The following CHODL variants were observed in gnomAD, a reference collection of about 807,000 sequenced individuals.
CHODL encodes the protein chondrolectin, also known as transmembrane protein MT75.
A neutral mutation model predicts 34.5 loss-of-function variants in CHODL; 29 were observed. That is an observed-to-expected ratio of 0.84 (90% CI 0.63 to 1.15). CHODL has a LOEUF of 1.15. Among genes scored for constraint, CHODL ranks in the 50% most tolerant of loss-of-function variants. The pLI, the probability that CHODL is intolerant of heterozygous loss-of-function variation, is 0.00. For synonymous variants in CHODL, 125 were observed against 116.1 expected (o/e 1.08, Z -0.49); for missense variants, 332 against 332.5 (o/e 1.00, Z 0.01).
At chr21:18,217,855 G>T (rs1460225242) in intron 2 of CHODL, among the ~76,000 whole-genome samples, 1 of 152,116 alleles carries the variant, frequency 6.6e-6, no homozygotes, top group Non-Finnish European at 1.5e-5. Context: ...AGGGGCTACA[G>T]ACCCCATATA....
chr21:18,154,333 T>C (rs2824663), intron 2 of CHODL, among the ~76,000 whole-genome samples: 94,130 of 151,970 alleles, frequency 0.62, 30,928 homozygotes, highest in Non-Finnish European at 0.75. Context: ...AGAACTCTTA[T>C]CATCAAAGAT....
chr21:17,934,234 TAA>T (rs58780393), intron 1 of CHODL, among the ~76,000 whole-genome samples: 6 of 140,378 alleles, frequency 4.3e-5, no homozygotes, highest in African/African-American at 1.1e-4. Context: ...TCTATAAAAA[TAA>T]AAAAAAAAAA....
chr21:17,990,636 C>T (rs962424588), intron 1 of CHODL, among the ~76,000 whole-genome samples: 10 of 151,840 alleles, frequency 6.6e-5, no homozygotes, highest in South Asian at 6.2e-4. Context: ...GTTAAATGTT[C>T]GTGTTCTTGA....
intron 2 of CHODL, among the ~76,000 whole-genome samples, chr21:18,115,919 C>G: frequency 6.6e-6 from 1 of 151,964 alleles, no homozygotes; most frequent in Admixed American, 6.6e-5. Flanking sequence ...GCTAAATGAT[C>G]AAATCCAGTG....
intron 2 of CHODL, among the ~76,000 whole-genome samples, chr21:18,140,486 A>C (rs2072787748): frequency 6.6e-6 from 1 of 152,180 alleles, no homozygotes; most frequent in Admixed American, 6.5e-5. Context: ...AATTCATATG[A>C]AAAACCCTTA....
At chr21:18,087,838 G>A (rs2065025592) in intron 2 of CHODL, among the ~76,000 whole-genome samples, 1 of 152,134 alleles carries the variant, frequency 6.6e-6, no homozygotes, top group South Asian at 2.1e-4. Context: ...ACCTGAGACT[G>A]GGTAGTTTAT....
At chr21:18,069,337 C>T (rs1306812804) in intron 2 of CHODL, among the ~76,000 whole-genome samples, 2 of 151,978 alleles carry the variant, frequency 1.3e-5, no homozygotes, top group Non-Finnish European at 2.9e-5. Flanking sequence ...ACTCGAAAAT[C>T]CCATTTCGTA....
Position 17,944,695 on chromosome 21 carries a change from CA to C in CHODL, c.-145+27298del, listed in dbSNP as rs373381305. On this transcript the variant is annotated intron_variant, in intron 1 of 6. Coordinates refer to the CHODL transcript ENST00000400127. The stretch of plus-strand genomic sequence containing the variant: ...AATACCCAGTAGCTCCACTTGATAT[CA>C]AAGCAATGGCAGTGGCCCAGCCAGC... Among the ~76,000 whole-genome samples, 64 of 152,304 alleles carry C rather than the reference CA, an allele frequency of 4.2e-4. 2 individuals carry two copies. In the South Asian group the frequency reaches 0.013, roughly 32 times the overall value.
intron 2 of CHODL, among the ~76,000 whole-genome samples, chr21:18,160,278 C>T (rs1180324896): frequency 6.6e-6 from 1 of 152,134 alleles, no homozygotes; most frequent in Non-Finnish European, 1.5e-5. Flanking sequence ...GCTCTTAGAA[C>T]TGATCCCTAA....
intron 1 of CHODL, among the ~76,000 whole-genome samples, chr21:18,027,286 G>A (rs141175353): frequency 1.0e-3 from 159 of 151,912 alleles, no homozygotes; most frequent in African/African-American, 2.2e-3. Flanking sequence ...AAAAGCAATC[G>A]TAACAATAAA....
chr21:17,925,898 G>A (rs552670197), intron 1 of CHODL, among the ~76,000 whole-genome samples: 3 of 152,096 alleles, frequency 2.0e-5, no homozygotes, highest in Non-Finnish European at 4.4e-5. Context: ...AAGTTTCTTT[G>A]AGATGTTTAT....
At chr21:18,173,157 A>G (rs1177997739) in intron 2 of CHODL, among the ~76,000 whole-genome samples, 1 of 152,204 alleles carries the variant, frequency 6.6e-6, no homozygotes, top group African/African-American at 2.4e-5. Flanking sequence ...TTCATCCAGG[A>G]TAATATCTCC....
intron 1 of CHODL, among the ~76,000 whole-genome samples, chr21:17,946,932 TTCTTCCTA>T (rs1445235444): frequency 2.6e-5 from 4 of 152,180 alleles, no homozygotes; most frequent in Admixed American, 2.0e-4. Context: ...TATAGATCCT[TTCTTCCTA>T]TCTTCCTATC....
intron 2 of CHODL, among the ~76,000 whole-genome samples, chr21:18,148,838 T>A (rs1213995480): frequency 6.6e-6 from 1 of 152,014 alleles, no homozygotes; most frequent in Non-Finnish European, 1.5e-5. Flanking sequence ...GGAAATTTAT[T>A]TCAAATATAC....
rs181956791 is a variant in CHODL, at chr21:18,199,048, A to G, written c.-44-57461A>G. ...AGGAATTAAAATAAGTTGATTAAGT[A>G]ATTTCCTGCTGGATAGAAAACTTAA... On this transcript the variant is annotated intron_variant, in intron 2 of 6. Transcript: ENST00000400127. 1.3e-4 allele frequency among the ~76,000 whole-genome samples: 20 copies of G among 152,258 alleles called. No individual in the cohort carries two copies. In the East Asian group the frequency reaches 3.9e-3, roughly 29 times the overall value.
chr21:17,958,163 T>C (rs1436553321), intron 1 of CHODL, among the ~76,000 whole-genome samples: 1 of 152,186 alleles, frequency 6.6e-6, no homozygotes, highest in East Asian at 1.9e-4. Context: ...TTGGTTTATT[T>C]TTTTACTCAC....
intron 2 of CHODL, among the ~76,000 whole-genome samples, chr21:18,159,638 C>G (rs1230176196): frequency 6.6e-6 from 1 of 152,184 alleles, no homozygotes; most frequent in African/African-American, 2.4e-5. Flanking sequence ...TGCCCTAATC[C>G]TCAGAACCTG....
chr21:17,994,285 G>A (rs1438278210), intron 1 of CHODL, among the ~76,000 whole-genome samples: 15 of 152,216 alleles, frequency 9.9e-5, no homozygotes, highest in Non-Finnish European at 4.4e-5. Context: ...GGTACAGGTG[G>A]TGACAGCGAT....
chr21:17,965,798 C>T (rs73890843), intron 1 of CHODL, among the ~76,000 whole-genome samples: 1,940 of 152,074 alleles, frequency 0.013, 56 homozygotes, highest in African/African-American at 0.044. Context: ...GACTCAGTGT[C>T]ACCTTGCCAT....
Sources: gnomAD v4.1 joint callset for allele counts (sites outside exome capture counted in the v4.1 genomes callset) on GRCh38, gnomAD v4.1.1 for gene constraint, MANE v1.5 for transcripts, NCBI Gene and HGNC (gene_info 2026-07-23, HGNC 2026-07-21) for gene names.